The following PIK3C2G variants were observed in gnomAD, a reference collection of about 807,000 sequenced individuals.
The protein encoded by PIK3C2G is phosphatidylinositol-4-phosphate 3-kinase catalytic subunit type 2 gamma, also known as phosphatidylinositol 3-kinase C2 domain-containing subunit gamma.
A neutral mutation model predicts 181.1 loss-of-function variants in PIK3C2G; 168 were observed. The observed-to-expected ratio is 0.93, with a 90% CI of 0.82 to 1.05. The LOEUF is 1.05. Among genes scored for constraint, PIK3C2G ranks in the 50% least tolerant of loss-of-function variants. PIK3C2G has a pLI of 0.00. For missense variants in PIK3C2G, 1,869 were observed against 1,732.8 expected (o/e 1.08, Z -1.40); for synonymous variants, 573 against 592.2 (o/e 0.97, Z 0.47).
At chr12:18,246,814 T>G (rs1948044843), upstream of PIK3C2G, among the ~76,000 whole-genome samples, 1 of 152,168 alleles carries the variant, frequency 6.6e-6, no homozygotes, top group Non-Finnish European at 1.5e-5. Context: ...CAACCTCTCC[T>G]CACCAGTAGA....
intron 22 of PIK3C2G, among the ~76,000 whole-genome samples, chr12:18,502,661 G>A (rs913118269): frequency 6.6e-6 from 1 of 151,956 alleles, no homozygotes; most frequent in African/African-American, 2.4e-5. Context: ...TATGGCCAGC[G>A]GAGCAAAGTT....
intron 20 of PIK3C2G, chr12:18,493,618 A>G (rs1461755047): frequency 6.6e-6 from 1 of 152,266 alleles, no homozygotes; most frequent in Non-Finnish European, 1.5e-5. Flanking sequence ...AAGCTGTTAT[A>G]TGATTGTGTG....
intron 30 of PIK3C2G, among the ~76,000 whole-genome samples, chr12:18,604,041 A>T (rs978801681): frequency 2.6e-5 from 4 of 152,228 alleles, no homozygotes; most frequent in African/African-American, 9.7e-5. Flanking sequence ...ATGGTACCTC[A>T]CATTTCAATA....
the PIK3C2G span, among the ~76,000 whole-genome samples, chr12:18,679,235 T>C: frequency 7.2e-5 from 11 of 152,012 alleles, no homozygotes; most frequent in African/African-American, 2.7e-4. Context: ...TTGATATATA[T>C]ATAGCTTACC....
chr12:18,474,036 G>A (rs545069910), intron 18 of PIK3C2G, among the ~76,000 whole-genome samples: 23 of 152,088 alleles, frequency 1.5e-4, no homozygotes, highest in Non-Finnish European at 2.9e-4. Flanking sequence ...ATGAAATCTG[G>A]AACAATCTGA....
At chr12:18,340,610 A>T (rs536936822) in intron 9 of PIK3C2G, among the ~76,000 whole-genome samples, 4 of 152,314 alleles carry the variant, frequency 2.6e-5, no homozygotes, top group African/African-American at 9.6e-5. Context: ...ACAAGCTCCA[A>T]GAGCTGATAA....
downstream of PIK3C2G, among the ~76,000 whole-genome samples, chr12:18,650,626 T>C (rs1490058644): frequency 2.1e-5 from 3 of 143,820 alleles, no homozygotes; most frequent in Non-Finnish European, 3.1e-5. Flanking sequence ...TCACTTGAAA[T>C]ACACGAAATA....
intron 24 of PIK3C2G, among the ~76,000 whole-genome samples, chr12:18,535,118 C>A (rs1418207600): frequency 6.6e-6 from 1 of 151,994 alleles, no homozygotes; most frequent in Non-Finnish European, 1.5e-5. Context: ...CACATTAATT[C>A]TATAACATAG....
intron 7 of PIK3C2G, among the ~76,000 whole-genome samples, chr12:18,323,235 C>G (rs1276092695): frequency 6.6e-6 from 1 of 152,126 alleles, no homozygotes; most frequent in Non-Finnish European, 1.5e-5. Context: ...TCTGCTGTAG[C>G]AAGGGTAGAG....
intron 16 of PIK3C2G, among the ~76,000 whole-genome samples, chr12:18,402,971 C>T (rs2138149341): frequency 6.6e-6 from 1 of 152,194 alleles, no homozygotes; most frequent in East Asian, 1.9e-4. Flanking sequence ...GGTTATGTTG[C>T]CTCAAGTGCC....
At chr12:18,574,742 C>T (rs1045007597) in intron 29 of PIK3C2G, among the ~76,000 whole-genome samples, 49 of 152,222 alleles carry the variant, frequency 3.2e-4, no homozygotes, top group African/African-American at 9.4e-4. Flanking sequence ...CAGCTAACCC[C>T]GTAACTAGAA....
At chr12:18,639,076 G>A (rs1464109720) in intron 31 of PIK3C2G, among the ~76,000 whole-genome samples, 1 of 151,900 alleles carries the variant, frequency 6.6e-6, no homozygotes, top group East Asian at 1.9e-4. Flanking sequence ...GATATCAAAT[G>A]GCAGAGGTAT....
chr12:18,426,296 T>C (rs1332799469), intron 18 of PIK3C2G, among the ~76,000 whole-genome samples: 1 of 152,194 alleles, frequency 6.6e-6, no homozygotes, highest in Admixed American at 6.5e-5. Context: ...ATGTTAGGAT[T>C]AAGTGTGTTT....
At chr12:18,298,046 G>A (rs1232976588) in intron 5 of PIK3C2G, among the ~76,000 whole-genome samples, 1 of 151,892 alleles carries the variant, frequency 6.6e-6, no homozygotes, top group Non-Finnish European at 1.5e-5. Flanking sequence ...ACACCCATAA[G>A]TAGGATTCCT....
intron 31 of PIK3C2G, among the ~76,000 whole-genome samples, chr12:18,630,354 T>C (rs970867065): frequency 2.6e-5 from 4 of 152,110 alleles, no homozygotes; most frequent in Non-Finnish European, 2.9e-5. Flanking sequence ...ATCATGCCAC[T>C]GCACCCCAGC....
In PIK3C2G at chr12:18,491,504, T is replaced by C; in HGVS notation, c.2739T>C (p.Asn913=). ...TAGAAGAGTTCTTTCAAGATGTAAA[T>C]ACTTGTCATCTTCCTCTGAACCCTG... ...GRLEEFFQDV[N]TCHLPLNPAL... The change falls in exon 20 of 33, where the codon AAT becomes AAC. Residue 913 remains asparagine, a synonymous_variant. Transcript: ENST00000538779. 6.2e-7 allele frequency: 1 copy of C among 1,610,290 alleles called. No individual in the cohort carries two copies. The highest frequency in any genetic ancestry group is 8.5e-7 in the Non-Finnish European group (1 of 1,176,794).
At chr12:18,298,201 T>A (rs1324919712) in intron 5 of PIK3C2G, among the ~76,000 whole-genome samples, 1 of 151,858 alleles carries the variant, frequency 6.6e-6, no homozygotes, top group African/African-American at 2.4e-5. Flanking sequence ...ATTTATTTAC[T>A]TATTTTTATA....
chr12:18,450,603 T>C (rs1413406512), intron 18 of PIK3C2G, among the ~76,000 whole-genome samples: 1 of 152,204 alleles, frequency 6.6e-6, no homozygotes, highest in African/African-American at 2.4e-5. Context: ...AATTTGTCAA[T>C]GTTGGCTTTT....
intron 22 of PIK3C2G, among the ~76,000 whole-genome samples, chr12:18,500,169 G>GGCT (rs1193603234): frequency 6.6e-6 from 1 of 152,170 alleles, no homozygotes; most frequent in Non-Finnish European, 1.5e-5. Context: ...CCGGGAACCG[G>GGCT]GCTGCGCCCA....
Sources: gnomAD v4.1 joint callset for allele counts (sites outside exome capture counted in the v4.1 genomes callset) on GRCh38, gnomAD v4.1.1 for gene constraint, MANE v1.5 for transcripts, NCBI Gene and HGNC (gene_info 2026-07-23, HGNC 2026-07-21) for gene names.